TRIM24: variants seen among roughly 807,000 people sequenced by gnomAD.
TRIM24 encodes tripartite motif containing 24, also known as transcription intermediary factor 1-alpha.
A neutral mutation model predicts 123.9 loss-of-function variants in TRIM24; 29 were observed. That is an observed-to-expected ratio of 0.23 (90% CI 0.17 to 0.32). TRIM24 has a LOEUF of 0.32. Among genes scored for constraint, TRIM24 ranks in the 10% least tolerant of loss-of-function variants. The pLI, the probability that TRIM24 is intolerant of heterozygous loss-of-function variation, is 1.00. For synonymous variants in TRIM24, 456 were observed against 461.1 expected (o/e 0.99, Z 0.14); for missense variants, 932 against 1,295.3 (o/e 0.72, Z 4.31).
At chr7:138,461,281 G>A in intron 1 of TRIM24, 1 of 559,992 alleles carries the variant, frequency 1.8e-6, no homozygotes, top group South Asian at 1.4e-5. Flanking sequence ...CCCGCCCGCT[G>A]CCTCCACAAA....
intron 1 of TRIM24, among the ~76,000 whole-genome samples, chr7:138,502,909 C>T (rs1796072097): frequency 6.6e-6 from 1 of 152,042 alleles, no homozygotes; most frequent in Admixed American, 6.6e-5. Flanking sequence ...TTGTTTCTTG[C>T]TTAAAAATTT....
intron 9 of TRIM24, among the ~76,000 whole-genome samples, chr7:138,561,028 C>G (rs1035273666): frequency 2.6e-5 from 4 of 152,180 alleles, no homozygotes; most frequent in African/African-American, 4.8e-5. Context: ...TATTTCTTTG[C>G]CCCCAGCAGT....
At chr7:138,566,359 T>C (rs188326307) in intron 9 of TRIM24, among the ~76,000 whole-genome samples, 1 of 152,062 alleles carries the variant, frequency 6.6e-6, no homozygotes, top group Admixed American at 6.5e-5. Flanking sequence ...CTACTAAAAA[T>C]ACAAAAATTA....
At chr7:138,577,345 G>A in intron 13 of TRIM24, 75 bp from the exon 14 acceptor site, 1 of 1,213,608 alleles carries the variant, frequency 8.2e-7, no homozygotes, top group Non-Finnish European at 1.1e-6. Flanking sequence ...ATTTTAGAAA[G>A]TTGTTGTTAT....
chr7:138,491,289 T>C, intron 1 of TRIM24: 1 of 221,846 alleles, frequency 4.5e-6, no homozygotes, highest in Non-Finnish European at 9.4e-6. Context: ...CCAATCTTTC[T>C]AAGAAAATGG....
intron 1 of TRIM24, among the ~76,000 whole-genome samples, chr7:138,502,551 G>C (rs1275039996): frequency 6.6e-6 from 1 of 152,164 alleles, no homozygotes; most frequent in African/African-American, 2.4e-5. Flanking sequence ...ATTGTAGAGT[G>C]TGCACATGAC....
chr7:138,475,518 T>G (rs913518210), intron 1 of TRIM24, among the ~76,000 whole-genome samples: 59 of 152,322 alleles, frequency 3.9e-4, no homozygotes, highest in African/African-American at 5.3e-4. Context: ...TCTGTGGTTT[T>G]GTTTTCTTTC....
In TRIM24 at chr7:138,577,891, G is replaced by T. The variant is rs140140154; in HGVS notation, c.2256+303G>T. Among the ~76,000 whole-genome samples, 70 of 152,232 alleles carry T rather than the reference G, an allele frequency of 4.6e-4. 1 individual carries two copies. Among genetic ancestry groups the T allele is most frequent in the African/African-American group, 1.7e-3 (70 of 41,560 alleles). ...TTGAAGATTAACTAAACATTTTCGT[G>T]CAAGTTCTCAAAATAATTCTTATGT... On this transcript the variant is annotated intron_variant, in intron 14 of 18. Transcript: ENST00000343526.
At chr7:138,506,382 A>C (rs1796151397) in intron 2 of TRIM24, among the ~76,000 whole-genome samples, 1 of 152,202 alleles carries the variant, frequency 6.6e-6, no homozygotes, top group South Asian at 2.1e-4. Context: ...TCTGTCTTCC[A>C]TTGCATCATG....
At chr7:138,553,960 G>C (rs1797264182) in intron 8 of TRIM24, among the ~76,000 whole-genome samples, 1 of 152,132 alleles carries the variant, frequency 6.6e-6, no homozygotes, top group African/African-American at 2.4e-5. Context: ...AAGTGGGCTG[G>C]ACAGGAGAAC....
intron 8 of TRIM24, among the ~76,000 whole-genome samples, chr7:138,552,714 A>G (rs535028813): frequency 6.6e-6 from 1 of 152,320 alleles, no homozygotes; most frequent in Non-Finnish European, 1.5e-5. Context: ...TAAGGGAAGA[A>G]CAAAAAGAAT....
At chr7:138,470,742 G>C (rs1192796605) in intron 1 of TRIM24, among the ~76,000 whole-genome samples, 2 of 152,194 alleles carry the variant, frequency 1.3e-5, no homozygotes, top group African/African-American at 2.4e-5. Context: ...TGTATAGATG[G>C]ATGTATACCT....
At chr7:138,464,905 C>G (rs1795101794) in intron 1 of TRIM24, among the ~76,000 whole-genome samples, 1 of 152,122 alleles carries the variant, frequency 6.6e-6, no homozygotes, top group Admixed American at 6.5e-5. Flanking sequence ...CAGTTACACT[C>G]TAGAATTGTT....
chr7:138,475,221 A>G (rs191599172), intron 1 of TRIM24, among the ~76,000 whole-genome samples: 4 of 152,282 alleles, frequency 2.6e-5, no homozygotes, highest in Admixed American at 6.5e-5. Context: ...TATGTTGCTT[A>G]TACTAGGGAA....
intron 1 of TRIM24, among the ~76,000 whole-genome samples, chr7:138,500,550 T>G (rs1584702598): frequency 8.1e-5 from 10 of 124,198 alleles, no homozygotes; most frequent in Admixed American, 2.8e-4. Context: ...GCAACCAGAG[T>G]GAGACCTTGT....
chr7:138,545,163 C>CGT (rs3073156), intron 7 of TRIM24, among the ~76,000 whole-genome samples: 12,626 of 149,406 alleles, frequency 0.085, 548 homozygotes, highest in African/African-American at 0.12. Context: ...ATAAAATCTG[C>CGT]GTGTGTGTGT....
intron 6 of TRIM24, among the ~76,000 whole-genome samples, chr7:138,529,938 G>GA (rs1005301483): frequency 2.4e-4 from 36 of 151,572 alleles, no homozygotes; most frequent in African/African-American, 7.5e-4. Context: ...AAGCAAATGA[G>GA]AAAAAAAAGA....
intron 1 of TRIM24, among the ~76,000 whole-genome samples, chr7:138,471,109 A>C (rs1795263483): frequency 6.6e-6 from 1 of 152,224 alleles, no homozygotes; most frequent in African/African-American, 2.4e-5. Flanking sequence ...TACTCTTTGA[A>C]ATTGACTGAC....
chr7:138,514,408 CT>C, intron 2 of TRIM24: 1 of 152,118 alleles, frequency 6.6e-6, no homozygotes, highest in East Asian at 1.9e-4. Context: ...CCAAAATTGC[CT>C]TGTGACTCTG....
Sources: allele counts gnomAD v4.1 joint callset (sites outside exome capture counted in the v4.1 genomes callset), GRCh38; gene constraint gnomAD v4.1.1; transcripts MANE v1.5; gene names NCBI Gene and HGNC (gene_info 2026-07-23, HGNC 2026-07-21).